SLCO3A1: variants seen among roughly 807,000 people sequenced by gnomAD.
SLCO3A1 encodes the protein solute carrier organic anion transporter family member 3A1.
In SLCO3A1, 27 loss-of-function variants were observed where a neutral mutation model predicts 63.1. The observed-to-expected ratio is 0.43, with a 90% CI of 0.32 to 0.59. The LOEUF (loss-of-function observed/expected upper bound fraction) is 0.59, where lower values mean the gene tolerates loss of function less well. Ranked by LOEUF, SLCO3A1 falls within the 20% of genes least tolerant of loss-of-function variation. SLCO3A1 has a pLI of 0.09. For missense variants in SLCO3A1, 773 were observed against 945.8 expected, an observed-to-expected ratio of 0.82 and a Z score of 2.40; for synonymous variants, 473 against 409.9, an observed-to-expected ratio of 1.15 and a Z score of -1.86.
intron 2 of SLCO3A1, among the ~76,000 whole-genome samples, chr15:92,074,148 G>A (rs1044442085): frequency 6.6e-6 from 1 of 152,234 alleles, no homozygotes; most frequent in Non-Finnish European, 1.5e-5. Flanking sequence ...TCCAGCCTGG[G>A]CGACAAGAGT....
At position 91,989,664 on chromosome 15, in the gene SLCO3A1, C is replaced by A. The variant is rs528191980; in HGVS notation, c.646+73206C>A. Reference sequence around the variant, plus strand: ...TTGCTCTGCATCACAGGCAAGTCCACATTTGGCTCTACTTAGATTAATCAT... The same window carrying A: ...TTGCTCTGCATCACAGGCAAGTCCAAATTTGGCTCTACTTAGATTAATCAT... On this transcript the variant is annotated intron_variant, in intron 2 of 9. Coordinates refer to ENST00000318445, the MANE Select transcript of SLCO3A1 (RefSeq NM_013272.4). Among the ~76,000 whole-genome samples, 3 of 152,322 alleles carry A rather than the reference C, an allele frequency of 2.0e-5. No homozygotes were observed. In the South Asian group the frequency reaches 6.2e-4, roughly 32 times the overall value.
At chr15:91,951,110 T>G (rs1176609180) in intron 2 of SLCO3A1, among the ~76,000 whole-genome samples, 1 of 152,178 alleles carries the variant, frequency 6.6e-6, no homozygotes, top group Non-Finnish European at 1.5e-5. Flanking sequence ...CCCTTTTAAA[T>G]TGTAAAGTCC....
intron 2 of SLCO3A1, among the ~76,000 whole-genome samples, chr15:91,927,253 T>A (rs1407442611): frequency 6.6e-6 from 1 of 152,188 alleles, no homozygotes; most frequent in African/African-American, 2.4e-5. Flanking sequence ...TCAGCAGATT[T>A]TCTGTGCTGG....
rs572166477 is a variant in SLCO3A1 at position 92,132,636 on chromosome 15, C to T, written c.1512+4147C>T. Reference sequence around the variant, plus strand: ...ATTGAATAGAAAAAAAAAAAAACTTCCATCAGCCACCAATAGAATGTTGAA... The same window carrying T: ...ATTGAATAGAAAAAAAAAAAAACTTTCATCAGCCACCAATAGAATGTTGAA... On this transcript the variant is annotated intron_variant, in intron 7 of 9. Coordinates refer to ENST00000318445, the MANE Select transcript of SLCO3A1 (RefSeq NM_013272.4). Among the ~76,000 whole-genome samples the T allele has an allele frequency of 1.7e-4, 24 of 140,338 alleles. 1 individual carries two copies. Among genetic ancestry groups the T allele is most frequent in the African/African-American group, 4.9e-4 (19 of 38,806 alleles). The allele number at this position is 140,338 out of a possible 152,430, so 92.1% of individuals were successfully genotyped here. A position where few individuals can be genotyped will look rare whatever the true frequency, so the allele number is the denominator to read the frequency against.
At chr15:92,116,204 C>T (rs148967560) in intron 4 of SLCO3A1, among the ~76,000 whole-genome samples, 92 of 152,276 alleles carry the variant, frequency 6.0e-4, no homozygotes, top group African/African-American at 1.8e-3. Flanking sequence ...GCATTTAGAA[C>T]GGCATTTTTG....
At chr15:91,982,430 T>A (rs762214249) in intron 2 of SLCO3A1, among the ~76,000 whole-genome samples, 2 of 152,260 alleles carry the variant, frequency 1.3e-5, no homozygotes, top group Non-Finnish European at 2.9e-5. Flanking sequence ...AAAGATTCCT[T>A]TAAGGGTTCA....
intron 2 of SLCO3A1, among the ~76,000 whole-genome samples, chr15:91,952,276 T>C (rs559755649): frequency 8.1e-4 from 123 of 152,254 alleles, no homozygotes; most frequent in Non-Finnish European, 1.5e-3. Context: ...GCCAGATCTG[T>C]CATTTGCAAA....
downstream of SLCO3A1, among the ~76,000 whole-genome samples, chr15:92,168,587 TG>T (rs1302655989): frequency 6.6e-6 from 1 of 152,168 alleles, no homozygotes; most frequent in Admixed American, 6.5e-5. Context: ...ACTGCATGTT[TG>T]GGGGACCCTA....
chr15:92,147,802 CATTAGTAAT>C (rs2048248815), intron 8 of SLCO3A1, among the ~76,000 whole-genome samples: 4 of 152,174 alleles, frequency 2.6e-5, no homozygotes. Flanking sequence ...AAAGATGAGC[CATTAGTAAT>C]ATTCTGAGTA....
rs1164944756 is a variant in SLCO3A1 at position 91,853,733 on chromosome 15, C to T, written c.-176C>T. 3 of 564,816 alleles carry T rather than the reference C, an allele frequency of 5.3e-6. No homozygotes were observed. Among genetic ancestry groups the T allele is most frequent in the Admixed American group, 5.9e-5 (1 of 16,940 alleles). 35.0% of individuals were successfully genotyped at this position (564,816 alleles called of 1,614,324 possible). A position where few individuals can be genotyped will look rare whatever the true frequency, so the allele number is the denominator to read the frequency against. On this transcript the variant is annotated 5_prime_UTR_variant, in exon 1 of 10. Coordinates refer to ENST00000318445, the MANE Select transcript of SLCO3A1 (RefSeq NM_013272.4). ...GCGATCGCGGCGGCGGCGGCGGCGG[C>T]GAGGAGCTGTGCCTTCCACCTCTCC...
chr15:92,029,333 C>T (rs993402456), intron 2 of SLCO3A1, among the ~76,000 whole-genome samples: 2 of 152,200 alleles, frequency 1.3e-5, no homozygotes, highest in Non-Finnish European at 2.9e-5. Flanking sequence ...CAGCCAGGCT[C>T]CTGCCCTGGA....
chr15:92,143,944 A>G (rs1191290791), intron 7 of SLCO3A1, among the ~76,000 whole-genome samples: 2 of 152,206 alleles, frequency 1.3e-5, no homozygotes, highest in African/African-American at 4.8e-5. Flanking sequence ...GTGGGGAGCC[A>G]CGTGGCCTGC....
chr15:92,002,991 C>G (rs1048834859), intron 2 of SLCO3A1, among the ~76,000 whole-genome samples: 1 of 152,148 alleles, frequency 6.6e-6, no homozygotes, highest in African/African-American at 2.4e-5. Flanking sequence ...GATTGCTTAT[C>G]TCACGGAGTA....
intron 4 of SLCO3A1, among the ~76,000 whole-genome samples, chr15:92,106,862 G>A (rs2047673664): frequency 1.3e-5 from 2 of 152,214 alleles, no homozygotes; most frequent in Non-Finnish European, 2.9e-5. Context: ...CGGCAGAGCT[G>A]AGCCAAGTCT....
At chr15:91,973,920 C>T (rs751485319) in intron 2 of SLCO3A1, among the ~76,000 whole-genome samples, 3 of 152,200 alleles carry the variant, frequency 2.0e-5, no homozygotes, top group Non-Finnish European at 4.4e-5. Context: ...GTATTTCCTT[C>T]TGATGTGCCA....
chr15:92,091,937 G>T (rs207977), intron 2 of SLCO3A1, among the ~76,000 whole-genome samples: 1 of 152,024 alleles, frequency 6.6e-6, no homozygotes, highest in Non-Finnish European at 1.5e-5. Context: ...GAGGAATTTG[G>T]TGGAGAGGCT....
rs1060206 is a variant in SLCO3A1, at chr15:92,165,320, T to C, written c.*2185T>C. 706,563 of 984,516 alleles carry C rather than the reference T, an allele frequency of 0.72. 254,836 individuals are homozygous for C. Among genetic ancestry groups the C allele is most frequent in the Middle Eastern group, 0.77 (1,483 of 1,914 alleles). 61.0% of individuals were successfully genotyped at this position (984,516 alleles called of 1,614,324 possible). A position where few individuals can be genotyped will look rare whatever the true frequency, so the allele number is the denominator to read the frequency against. ...AAGGGGAGATGGTTCTCCAACCACT[T>C]CATAAAATATGTATGTTCTGTTGTT... On this transcript the variant is annotated 3_prime_UTR_variant, in exon 10 of 10. Coordinates refer to ENST00000318445, the MANE Select transcript of SLCO3A1 (RefSeq NM_013272.4).
At position 91,889,844 on chromosome 15, in the gene SLCO3A1, C is replaced by T. The variant is rs142764576; in HGVS notation, c.181-26149C>T. On this transcript the variant is annotated intron_variant, in intron 1 of 9. Transcript: ENST00000318445. ...GTCTAGTTCATAAATACCATTCGCCCTGAGCGATTTTCTGTTACATTTAAG... is the reference window on the plus strand; with the variant it reads ...GTCTAGTTCATAAATACCATTCGCCTTGAGCGATTTTCTGTTACATTTAAG... Among the ~76,000 whole-genome samples, 10 of 151,098 alleles carry T rather than the reference C, an allele frequency of 6.6e-5. 2 individuals are homozygous for T. The highest frequency in any genetic ancestry group is 2.0e-4 in the African/African-American group (8 of 40,400).
At chr15:92,087,708 G>A (rs1212277976) in intron 2 of SLCO3A1, among the ~76,000 whole-genome samples, 1 of 151,616 alleles carries the variant, frequency 6.6e-6, no homozygotes, top group East Asian at 1.9e-4. Context: ...AGTAGAGTCG[G>A]GGTTGTCTCC....
Sources: allele counts gnomAD v4.1 joint callset (sites outside exome capture counted in the v4.1 genomes callset), GRCh38; gene constraint gnomAD v4.1.1; transcripts MANE v1.5; gene names NCBI Gene and HGNC (gene_info 2026-07-23, HGNC 2026-07-21).